The following DNAJC1 variants were observed in gnomAD, a reference collection of about 807,000 sequenced individuals.
DNAJC1 encodes DnaJ heat shock protein family (Hsp40) member C1.
DNAJC1 carries 58 observed loss-of-function variants against 76.6 expected under a neutral mutation model. The ratio of observed to expected loss-of-function variants is 0.76; its 90% CI spans 0.61 to 0.94. DNAJC1 has a LOEUF of 0.94. DNAJC1 is among the 40% of genes least tolerant of loss of function. DNAJC1 has a pLI of 0.00. For missense variants in DNAJC1, 689 were observed against 677.3 expected (o/e 1.02, Z -0.19); for synonymous variants, 258 against 267.9 (o/e 0.96, Z 0.36).
intron 7 of DNAJC1, among the ~76,000 whole-genome samples, chr10:21,899,704 G>A (rs1045679821): frequency 3.3e-5 from 5 of 152,216 alleles, no homozygotes; most frequent in Admixed American, 6.5e-5. Context: ...TGTTGAGGAC[G>A]GGAATGGGAT....
intron 8 of DNAJC1, among the ~76,000 whole-genome samples, chr10:21,863,551 A>C (rs1208830857): frequency 6.6e-6 from 1 of 152,130 alleles, no homozygotes; most frequent in African/African-American, 2.4e-5. Flanking sequence ...AAAATATTAA[A>C]ATAAAACTAA....
chr10:21,776,406 G>A (rs559714131), intron 9 of DNAJC1, among the ~76,000 whole-genome samples: 2 of 152,162 alleles, frequency 1.3e-5, no homozygotes, highest in African/African-American at 4.8e-5. Context: ...GATATTTTAA[G>A]TATTACTCTA....
At chr10:21,825,996 G>A (rs1835243179) in intron 8 of DNAJC1, among the ~76,000 whole-genome samples, 1 of 152,052 alleles carries the variant, frequency 6.6e-6, no homozygotes, top group African/African-American at 2.4e-5. Context: ...CAACACTTTG[G>A]GATGCCTAGG....
At position 21,983,230 on chromosome 10, in the gene DNAJC1, C is replaced by T. The variant is rs140908965; in HGVS notation, c.222+19983G>A. On this transcript the variant is annotated intron_variant, in intron 1 of 11. Transcript: ENST00000376980. ...ACCTAAATGTCCAAAAATAGATAAA[C>T]GGATAAATAAAAGTGGTATATACAC... Among the ~76,000 whole-genome samples, 93 of 151,984 alleles carry T rather than the reference C, an allele frequency of 6.1e-4. 1 individual carries two copies. Among genetic ancestry groups the T allele is most frequent in the Non-Finnish European group, 1.2e-3 (83 of 67,978 alleles).
chr10:21,940,482 T>G (rs1564833529), intron 1 of DNAJC1, among the ~76,000 whole-genome samples: 1 of 152,198 alleles, frequency 6.6e-6, no homozygotes, highest in Non-Finnish European at 1.5e-5. Context: ...AAGAGAACAT[T>G]TATTATTCTT....
chr10:22,003,370 A>G lies in DNAJC1; in HGVS notation c.65T>C (p.Phe22Ser). ...PGRRQLGLVPFPPPPPRTPLL... is the reference protein window; with the variant it reads ...PGRRQLGLVPSPPPPPRTPLL... ...CGGCGTCCGCGGCGGCGGCGGCGGGAACGGCACCAGCCCGAGCTGGCGGCG... is the reference window on the plus strand; with the variant it reads ...CGGCGTCCGCGGCGGCGGCGGCGGGGACGGCACCAGCCCGAGCTGGCGGCG... The change falls in exon 1 of 12, where the codon TTC (phenylalanine) becomes TCC (serine). Residue 22 changes from phenylalanine to serine, a missense_variant. Coordinates refer to ENST00000376980, the MANE Select transcript of DNAJC1 (RefSeq NM_022365.4). 7.1e-7 allele frequency: 1 copy of G among 1,408,726 alleles called. No individual in the cohort carries two copies. The allele number at this position is 1,408,726 out of a possible 1,614,324, so 87.3% of individuals were successfully genotyped here. A position where few individuals can be genotyped will look rare whatever the true frequency, so the allele number is the denominator to read the frequency against.
chr10:21,882,587 T>A, intron 7 of DNAJC1, 148 bp from the exon 8 acceptor site: 1 of 567,154 alleles, frequency 1.8e-6, no homozygotes, highest in Non-Finnish European at 2.8e-6. Flanking sequence ...TTATTGTACA[T>A]AAACCATTGC....
intron 7 of DNAJC1, among the ~76,000 whole-genome samples, chr10:21,896,073 T>A (rs1430731758): frequency 6.6e-6 from 1 of 152,168 alleles, no homozygotes; most frequent in African/African-American, 2.4e-5. Context: ...AGATGCCTCA[T>A]AGAGCCTTGG....
chr10:21,877,211 C>T (rs1394421971), intron 8 of DNAJC1, among the ~76,000 whole-genome samples: 1 of 151,918 alleles, frequency 6.6e-6, no homozygotes, highest in Non-Finnish European at 1.5e-5. Flanking sequence ...GAAATTGAGG[C>T]TGCAGGGAGC....
intron 8 of DNAJC1, among the ~76,000 whole-genome samples, chr10:21,835,680 C>A (rs1256020801): frequency 6.6e-6 from 1 of 152,168 alleles, no homozygotes; most frequent in African/African-American, 2.4e-5. Context: ...GTGACGAATG[C>A]AGAAGCCTCA....
At chr10:21,794,077 C>A (rs985904364) in intron 9 of DNAJC1, among the ~76,000 whole-genome samples, 3 of 152,038 alleles carry the variant, frequency 2.0e-5, no homozygotes, top group Non-Finnish European at 4.4e-5. Context: ...GAGTTTGAGA[C>A]CAGCCTTGGC....
intron 11 of DNAJC1, among the ~76,000 whole-genome samples, chr10:21,758,242 T>G (rs1287951985): frequency 6.6e-6 from 1 of 152,192 alleles, no homozygotes; most frequent in Non-Finnish European, 1.5e-5. Context: ...AGCATGAGTG[T>G]GCCCAGAGGC....
At chr10:21,860,722 C>T (rs1835906338) in intron 8 of DNAJC1, 1 of 165,494 alleles carries the variant, frequency 6.0e-6, no homozygotes, top group Admixed American at 6.0e-5. Context: ...AACAAACAAA[C>T]AAACAAACAA....
chr10:21,816,840 C>T lies in DNAJC1; in HGVS notation c.979-10741G>A, dbSNP rs543373135. On this transcript the variant is annotated intron_variant, in intron 8 of 11. Coordinates refer to ENST00000376980, the MANE Select transcript of DNAJC1 (RefSeq NM_022365.4). Reference sequence around the variant, plus strand: ...GATTACAGGCATAAGCCACCACGCCCGGCCGAGACTCTGTCTCTTAAAAAA... The same window carrying T: ...GATTACAGGCATAAGCCACCACGCCTGGCCGAGACTCTGTCTCTTAAAAAA... Among the ~76,000 whole-genome samples the T allele has an allele frequency of 1.0e-4, 14 of 139,568 alleles. No individual in the cohort carries two copies. In the East Asian group the frequency reaches 2.6e-3, roughly 25 times the overall value. The allele number at this position is 139,568 out of a possible 152,430, so 91.6% of individuals were successfully genotyped here. A position where few individuals can be genotyped will look rare whatever the true frequency, so the allele number is the denominator to read the frequency against.
chr10:21,814,349 C>T (rs966961532), intron 8 of DNAJC1, among the ~76,000 whole-genome samples: 5 of 152,162 alleles, frequency 3.3e-5, no homozygotes, highest in Non-Finnish European at 7.4e-5. Context: ...AGCCTCAGGT[C>T]TGTACCACTG....
At chr10:21,887,473 C>T (rs928901492) in intron 7 of DNAJC1, among the ~76,000 whole-genome samples, 2 of 152,122 alleles carry the variant, frequency 1.3e-5, no homozygotes, top group Admixed American at 6.6e-5. Context: ...CATCACACTA[C>T]CTTACTTCAA....
At chr10:21,821,354 T>C (rs979821210) in intron 8 of DNAJC1, among the ~76,000 whole-genome samples, 3 of 152,210 alleles carry the variant, frequency 2.0e-5, no homozygotes, top group Non-Finnish European at 4.4e-5. Flanking sequence ...TGGTATATAG[T>C]TTTACTAAAA....
chr10:21,781,676 G>A (rs1161403818), intron 9 of DNAJC1, among the ~76,000 whole-genome samples: 8 of 144,070 alleles, frequency 5.6e-5, no homozygotes, highest in East Asian at 4.1e-4. Context: ...AGCCGAGATC[G>A]TGCCACTGCA....
intron 1 of DNAJC1, among the ~76,000 whole-genome samples, chr10:21,987,192 C>T (rs1838263042): frequency 6.6e-6 from 1 of 152,144 alleles, no homozygotes; most frequent in Non-Finnish European, 1.5e-5. Flanking sequence ...ATTTTATACT[C>T]CCTCAGCTTT....
Sources: gnomAD v4.1 joint callset for allele counts (sites outside exome capture counted in the v4.1 genomes callset) on GRCh38, gnomAD v4.1.1 for gene constraint, MANE v1.5 for transcripts, NCBI Gene and HGNC (gene_info 2026-07-23, HGNC 2026-07-21) for gene names.